The following MINDY2 variants were observed in gnomAD, a reference collection of about 807,000 sequenced individuals.
The protein encoded by MINDY2 is ubiquitin carboxyl-terminal hydrolase MINDY-2.
A neutral mutation model predicts 68.2 loss-of-function variants in MINDY2; 52 were observed. The ratio of observed to expected loss-of-function variants is 0.76; its 90% CI spans 0.61 to 0.96. The LOEUF (loss-of-function observed/expected upper bound fraction) is 0.96. Among genes scored for constraint, MINDY2 ranks in the 40% least tolerant of loss-of-function variants. MINDY2 has a pLI of 0.00. For synonymous variants in MINDY2, 372 were observed against 303.0 expected, an observed-to-expected ratio of 1.23 and a Z score of -2.36; for missense variants, 881 against 773.4, an observed-to-expected ratio of 1.14 and a Z score of -1.65.
At chr15:58,848,299 C>T (rs2032636601) in intron 7 of MINDY2, among the ~76,000 whole-genome samples, 1 of 152,112 alleles carries the variant, frequency 6.6e-6, no homozygotes, top group Non-Finnish European at 1.5e-5. Context: ...AGTTGTATTC[C>T]TGGCACTATA....
At chr15:58,799,994 G>A (rs959557632) in intron 2 of MINDY2, among the ~76,000 whole-genome samples, 2 of 152,178 alleles carry the variant, frequency 1.3e-5, no homozygotes, top group Non-Finnish European at 2.9e-5. Context: ...AATAGAGATG[G>A]TGGCATTGTC....
chr15:58,817,289 G>A (rs902756125), intron 4 of MINDY2, among the ~76,000 whole-genome samples: 10 of 152,150 alleles, frequency 6.6e-5, no homozygotes, highest in African/African-American at 2.4e-4. Context: ...CCAAAAAAAG[G>A]AGCAAATGAC....
At chr15:58,831,035 G>GTATATATA (rs1230717668) in intron 5 of MINDY2, among the ~76,000 whole-genome samples, 74 of 99,026 alleles carry the variant, frequency 7.5e-4, no homozygotes, top group South Asian at 1.3e-3. Context: ...GTGTGTGTGT[G>GTATATATA]TGTGTGTATA....
chr15:58,804,440 A>G (rs892317535), intron 3 of MINDY2, among the ~76,000 whole-genome samples: 4 of 152,200 alleles, frequency 2.6e-5, no homozygotes, highest in Non-Finnish European at 5.9e-5. Flanking sequence ...GTCTGATGTC[A>G]ACCTCCAAAT....
intron 6 of MINDY2, among the ~76,000 whole-genome samples, chr15:58,835,432 C>A (rs1348584594): frequency 6.6e-6 from 1 of 152,092 alleles, no homozygotes; most frequent in Admixed American, 6.6e-5. Flanking sequence ...GCGGGTGAAT[C>A]ACTTGAGGTC....
At chr15:58,776,310 C>T (rs528543398) in intron 1 of MINDY2, among the ~76,000 whole-genome samples, 145 of 152,252 alleles carry the variant, frequency 9.5e-4, no homozygotes, top group African/African-American at 3.2e-3. Flanking sequence ...CTGCCTCAGT[C>T]TCCCCATTCC....
intron 5 of MINDY2, among the ~76,000 whole-genome samples, chr15:58,822,796 A>T (rs2141001423): frequency 6.6e-6 from 1 of 152,334 alleles, no homozygotes; most frequent in Non-Finnish European, 1.5e-5. Flanking sequence ...ATATACATAA[A>T]TACTGAGGCT....
chr15:58,834,194 A>G (rs1242097506), intron 6 of MINDY2, among the ~76,000 whole-genome samples: 3 of 152,144 alleles, frequency 2.0e-5, no homozygotes, highest in Non-Finnish European at 4.4e-5. Flanking sequence ...ACAGCATCTC[A>G]AGGCAGAAGA....
intron 2 of MINDY2, among the ~76,000 whole-genome samples, chr15:58,801,409 A>G (rs1366864275): frequency 9.4e-6 from 1 of 106,036 alleles, no homozygotes; most frequent in Non-Finnish European, 2.0e-5. Flanking sequence ...AAAAAAAAAA[A>G]GATGATAATT....
chr15:58,821,715 A>G lies in MINDY2; in HGVS notation c.1123-2A>G. 1.3e-6 allele frequency: 2 copies of G among 1,551,008 alleles called. No homozygotes were observed. The highest frequency in any genetic ancestry group is 1.7e-6 in the Non-Finnish European group (2 of 1,153,264). On this transcript the variant is annotated splice_acceptor_variant, in intron 4 of 8. Coordinates refer to ENST00000559228, the MANE Select transcript of MINDY2 (RefSeq NM_001040450.3). LOFTEE classifies it high-confidence loss of function. ...TTAGTGAGACAGTCATTTGTTTTCT[A>G]GATTGATGACATTGTAAAAGCTGTT...
intron 6 of MINDY2, among the ~76,000 whole-genome samples, chr15:58,836,739 C>T (rs2032014775): frequency 6.6e-6 from 1 of 152,122 alleles, no homozygotes; most frequent in African/African-American, 2.4e-5. Context: ...ATGGCTCAGC[C>T]TCCCAAGCAA....
At chr15:58,839,835 T>G (rs2032190273) in intron 6 of MINDY2, among the ~76,000 whole-genome samples, 1 of 151,672 alleles carries the variant, frequency 6.6e-6, no homozygotes, top group Non-Finnish European at 1.5e-5. Flanking sequence ...TTATCTTTTT[T>G]TTTTTTTTTC....
chr15:58,825,536 A>G (rs2031341783), intron 5 of MINDY2, among the ~76,000 whole-genome samples: 1 of 152,174 alleles, frequency 6.6e-6, no homozygotes, highest in Non-Finnish European at 1.5e-5. Flanking sequence ...ATAGCTATTC[A>G]TTTAATTCCA....
chr15:58,798,819 T>C lies in MINDY2; in HGVS notation c.899-3494T>C, dbSNP rs1389291736. On this transcript the variant is annotated intron_variant, in intron 2 of 8. Coordinates refer to ENST00000559228, the MANE Select transcript of MINDY2 (RefSeq NM_001040450.3). The stretch of plus-strand genomic sequence containing the variant: ...TTATTTGGAGGTGTCAACATGTAGT[T>C]AGTGGGGCTGTGTAAGTATACTCTA... 9.2e-5 allele frequency among the ~76,000 whole-genome samples: 14 copies of C among 152,156 alleles called. 1 individual carries two copies. Among genetic ancestry groups the C allele is most frequent in the African/African-American group, 3.4e-4 (14 of 41,438 alleles).
In MINDY2 at chr15:58,821,736, C is replaced by T; in HGVS notation, c.1142C>T (p.Ala381Val). Residue 381 changes from alanine to valine, a missense_variant, in exon 5 of 9, where the codon GCT (alanine) becomes GTT (valine). Physicochemically the swap from Ala to Val is moderately conservative, Grantham distance 64. Coordinates refer to ENST00000559228, the MANE Select transcript of MINDY2 (RefSeq NM_001040450.3). Reference protein sequence around the residue: ...VDPQIDDIVKAVGNCSYNQLV... With the variant: ...VDPQIDDIVKVVGNCSYNQLV... ...TTCTAGATTGATGACATTGTAAAAG[C>T]TGTTGGTAACTGCAGCTACAACCAA... The T allele has an allele frequency of 6.3e-7, 1 of 1,577,816 alleles. No homozygotes were observed. Among genetic ancestry groups the T allele is most frequent in the Non-Finnish European group, 8.6e-7 (1 of 1,167,324 alleles).
At chr15:58,790,457 G>A (rs559990784) in intron 2 of MINDY2, among the ~76,000 whole-genome samples, 32 of 152,256 alleles carry the variant, frequency 2.1e-4, no homozygotes, top group African/African-American at 6.7e-4. Context: ...CCCTAAAGAT[G>A]TAACAGCAAT....
chr15:58,834,677 C>G (rs1198464743), intron 6 of MINDY2, among the ~76,000 whole-genome samples: 17 of 152,258 alleles, frequency 1.1e-4, no homozygotes, highest in East Asian at 1.9e-4. Context: ...ACCTAATTAC[C>G]AGTTTTCTTT....
At chr15:58,824,929 C>T (rs1004265039) in intron 5 of MINDY2, among the ~76,000 whole-genome samples, 6 of 152,130 alleles carry the variant, frequency 3.9e-5, no homozygotes, top group Non-Finnish European at 7.4e-5. Flanking sequence ...CTCAACCTCC[C>T]AAAGTGCTGC....
intron 2 of MINDY2, among the ~76,000 whole-genome samples, chr15:58,792,024 A>G (rs1197907705): frequency 6.6e-6 from 1 of 152,186 alleles, no homozygotes; most frequent in East Asian, 1.9e-4. Context: ...GAGCTGAATC[A>G]AATGCTGCTA....
Sources: gnomAD v4.1 joint callset for allele counts (sites outside exome capture counted in the v4.1 genomes callset) on GRCh38, gnomAD v4.1.1 for gene constraint, MANE v1.5 for transcripts, NCBI Gene and HGNC (gene_info 2026-07-23, HGNC 2026-07-21) for gene names.